The following DIS3L2 variants were observed in gnomAD, a reference collection of about 807,000 sequenced individuals.
DIS3L2 encodes DIS3-like exonuclease 2.
In DIS3L2, 34 loss-of-function variants were observed where a neutral mutation model predicts 97.5. The ratio of observed to expected loss-of-function variants is 0.35; its 90% CI spans 0.27 to 0.46. The LOEUF (loss-of-function observed/expected upper bound fraction) is 0.46, where lower values mean the gene tolerates loss of function less well. Ranked by LOEUF, DIS3L2 falls within the 20% of genes least tolerant of loss-of-function variation. The pLI, the probability that DIS3L2 is intolerant of heterozygous loss-of-function variation, is 1.00. For missense variants in DIS3L2, 1,038 were observed against 1,146.0 expected, an observed-to-expected ratio of 0.91 and a Z score of 1.36; for synonymous variants, 435 against 445.2, an observed-to-expected ratio of 0.98 and a Z score of 0.29.
At chr2:232,275,115 C>G (rs1401688643) in intron 13 of DIS3L2, among the ~76,000 whole-genome samples, 1 of 152,150 alleles carries the variant, frequency 6.6e-6, no homozygotes, top group African/African-American at 2.4e-5. Flanking sequence ...TCCCCGCAAC[C>G]CTACACACCT....
chr2:232,333,855 T>C lies in DIS3L2; in HGVS notation c.2026T>C (p.Cys676Arg), dbSNP rs1695847104. Residue 676 changes from cysteine (C) to arginine (R), a missense_variant, in exon 17 of 21, where the codon TGC becomes CGC. By Grantham distance (180) the Cys-to-Arg change is radical. This residue lies in a region of DIS3L2 where 813 missense variants were observed against 880.1 expected (regional missense o/e 0.92). Transcript: ENST00000325385. ...CGTCCCGCAGATGGCACTGTACTTC[T>C]GCTCGGGGCTGCTGCAGGACCCAGC... is the stretch of plus-strand genomic sequence containing the variant. ...SRPMQMALYF[C>R]SGLLQDPAQF... is the part of the protein sequence containing the mutation. 4 of 1,612,028 alleles carry C rather than the reference T, an allele frequency of 2.5e-6. No homozygotes were observed. The Admixed American group carries it at 5.0e-5, about 20-fold the overall frequency.
At chr2:232,246,845 G>A (rs1693263738) in intron 11 of DIS3L2, among the ~76,000 whole-genome samples, 1 of 4,558 alleles carries the variant, frequency 2.2e-4, no homozygotes, top group African/African-American at 1.6e-3. Context: ...ATATTTAAAT[G>A]TGTAACACAC....
At chr2:232,040,719 C>CTT (rs1410601555) in intron 5 of DIS3L2, among the ~76,000 whole-genome samples, 1 of 152,174 alleles carries the variant, frequency 6.6e-6, no homozygotes, top group Non-Finnish European at 1.5e-5. Flanking sequence ...TTGTACTATT[C>CTT]TTTTGTATGC....
At chr2:232,286,601 TATA>T (rs1694440980) in intron 13 of DIS3L2, among the ~76,000 whole-genome samples, 2 of 152,216 alleles carry the variant, frequency 1.3e-5, no homozygotes, top group South Asian at 4.1e-4. Context: ...GGCCTTACTG[TATA>T]ATACATCAAG....
intron 5 of DIS3L2, among the ~76,000 whole-genome samples, chr2:232,045,353 A>G (rs923776161): frequency 1.3e-5 from 2 of 152,198 alleles, no homozygotes; most frequent in African/African-American, 2.4e-5. Context: ...GGCAGATCAC[A>G]GACAGTCAGA....
At chr2:232,210,512 G>A in intron 10 of DIS3L2, 107 bp downstream of exon 10, 1 of 1,033,708 alleles carries the variant, frequency 9.7e-7, no homozygotes, top group South Asian at 1.3e-5. Context: ...GCAAGGCTAG[G>A]TTTGCTTCGT....
chr2:232,249,176 C>G lies in DIS3L2; in HGVS notation c.1318-63C>G, dbSNP rs1046573953. On this transcript the variant is annotated intron_variant, in intron 11 of 20. Transcript: ENST00000325385. ...GCTGAAGCTGTTCACCAAAACTCTG[C>G]CCACTGGGCTTCTCCTAAGCGGGTT... The G allele has an allele frequency of 2.0e-6, 3 of 1,525,246 alleles. No homozygotes were observed. In the Admixed American group the frequency reaches 5.3e-5, roughly 27 times the overall value. The allele number at this position is 1,525,246 out of a possible 1,614,324, so 94.5% of individuals were successfully genotyped here. A position where few individuals can be genotyped will look rare whatever the true frequency, so the allele number is the denominator to read the frequency against.
At chr2:232,042,664 A>T (rs1695141653) in intron 5 of DIS3L2, among the ~76,000 whole-genome samples, 1 of 152,238 alleles carries the variant, frequency 6.6e-6, no homozygotes, top group African/African-American at 2.4e-5. Context: ...CCTGCTTTAA[A>T]CATGCCCTCA....
chr2:232,071,945 A>G (rs947720404), intron 5 of DIS3L2, among the ~76,000 whole-genome samples: 11 of 152,208 alleles, frequency 7.2e-5, no homozygotes, highest in African/African-American at 2.7e-4. Flanking sequence ...CACTTAGAAG[A>G]CCAGGGAATT....
intron 9 of DIS3L2, among the ~76,000 whole-genome samples, chr2:232,167,512 G>A (rs1465099349): frequency 1.3e-5 from 2 of 152,114 alleles, no homozygotes; most frequent in Non-Finnish European, 2.9e-5. Context: ...ACTTGGTTTT[G>A]ATGATTATCA....
intron 6 of DIS3L2, among the ~76,000 whole-genome samples, chr2:232,120,052 TG>T (rs1309851648): frequency 6.6e-6 from 1 of 152,164 alleles, no homozygotes; most frequent in Non-Finnish European, 1.5e-5. Context: ...TCTCAGATGA[TG>T]TTATCATAGA....
chr2:232,154,810 C>T (rs1016450296), intron 8 of DIS3L2, among the ~76,000 whole-genome samples: 4 of 131,956 alleles, frequency 3.0e-5, no homozygotes, highest in East Asian at 2.2e-4. Context: ...GCCTCGTTGC[C>T]GCCTTGCAGT....
intron 9 of DIS3L2, among the ~76,000 whole-genome samples, chr2:232,190,855 T>G (rs1022616583): frequency 6.6e-6 from 1 of 151,980 alleles, no homozygotes; most frequent in East Asian, 1.9e-4. Flanking sequence ...AAAGGTGGTG[T>G]TGGGGGCACA....
rs1301217454 is a variant in DIS3L2 at position 232,231,518 on chromosome 2, G to A, written c.1205-7015G>A. ...TGGAGCCAATAAGTGAAAACTCTAG[G>A]GAGACATATTTTGGCTTTAAAAGAG... On this transcript the variant is annotated intron_variant, in intron 10 of 20. Transcript: ENST00000325385. 3.3e-5 allele frequency among the ~76,000 whole-genome samples: 5 copies of A among 152,150 alleles called. No individual in the cohort carries two copies. The East Asian group carries it at 9.6e-4, about 29-fold the overall frequency.
At chr2:232,149,031 C>T (rs1690312268) in intron 8 of DIS3L2, among the ~76,000 whole-genome samples, 1 of 148,990 alleles carries the variant, frequency 6.7e-6, no homozygotes, top group African/African-American at 2.5e-5. Context: ...TAGAAATAGG[C>T]ACTGTCCAGG....
Position 232,327,337 on chromosome 2 carries a change from C to T in DIS3L2, c.1740-2476C>T, listed in dbSNP as rs143139449. Among the ~76,000 whole-genome samples, 4 of 152,368 alleles carry T rather than the reference C, an allele frequency of 2.6e-5. No individual in the cohort carries two copies. In the East Asian group the frequency reaches 7.7e-4, roughly 29 times the overall value. On this transcript the variant is annotated intron_variant, in intron 14 of 20. Transcript: ENST00000325385. ...GTCGGGCCTAAGGCTACACTTGTCC[C>T]TCTTCCGGCAAGCCTGCAGCTGGGC...
chr2:231,972,221 A>G (rs1364387140), intron 1 of DIS3L2, among the ~76,000 whole-genome samples: 2 of 152,168 alleles, frequency 1.3e-5, no homozygotes, highest in Non-Finnish European at 2.9e-5. Context: ...AAAATAAAAA[A>G]TAGGAGTATA....
intron 14 of DIS3L2, among the ~76,000 whole-genome samples, chr2:232,323,705 G>A (rs569754786): frequency 6.6e-6 from 1 of 152,310 alleles, no homozygotes; most frequent in African/African-American, 2.4e-5. Flanking sequence ...AGTGCGCGCA[G>A]GAGGAGAGGG....
intron 1 of DIS3L2, among the ~76,000 whole-genome samples, chr2:231,972,142 G>A (rs933903705): frequency 2.0e-5 from 3 of 151,510 alleles, no homozygotes; most frequent in Non-Finnish European, 4.4e-5. Context: ...CCGAGATCGC[G>A]CCACTGCACC....
Sources: allele counts gnomAD v4.1 joint callset (sites outside exome capture counted in the v4.1 genomes callset), GRCh38; gene constraint gnomAD v4.1.1; regional missense constraint gnomAD v4.1.1; transcripts MANE v1.5; gene names NCBI Gene and HGNC (gene_info 2026-07-23, HGNC 2026-07-21).